Variants in CCDC7 observed in about 807,000 individuals in gnomAD.
CCDC7 encodes coiled-coil domain-containing protein 7.
A neutral mutation model predicts 196.9 loss-of-function variants in CCDC7; 183 were observed. The ratio of observed to expected loss-of-function variants is 0.93; its 90% CI spans 0.82 to 1.05. The LOEUF is 1.05. CCDC7 is among the 50% of genes least tolerant of loss of function. The probability of loss-of-function intolerance (pLI) is 0.00; values close to 1 mark genes in which losing one functional copy is unlikely to be tolerated. For synonymous variants in CCDC7, 525 were observed against 484.6 expected, an observed-to-expected ratio of 1.08 and a Z score of -1.10; for missense variants, 1,540 against 1,482.2, an observed-to-expected ratio of 1.04 and a Z score of -0.64.
intron 21 of CCDC7, among the ~76,000 whole-genome samples, chr10:32,667,522 A>G (rs976495492): frequency 6.6e-6 from 1 of 152,174 alleles, no homozygotes; most frequent in Non-Finnish European, 1.5e-5. Flanking sequence ...TTAAGTCTTT[A>G]ATCCACGTGA....
At position 32,583,666 on chromosome 10, in the gene CCDC7, A is replaced by T. The variant is rs976400292; in HGVS notation, c.1728+359A>T. On this transcript the variant is annotated intron_variant, in intron 17 of 41. Coordinates refer to ENST00000639629, the Ensembl canonical transcript of CCDC7. Reference sequence around the variant, plus strand: ...AATAAGATGATTGTAAAAGCAAACTAATTTTGAAACAATTTTATATAGGTC... The same window carrying T: ...AATAAGATGATTGTAAAAGCAAACTTATTTTGAAACAATTTTATATAGGTC... Among the ~76,000 whole-genome samples the T allele has an allele frequency of 2.0e-5, 3 of 152,112 alleles. No homozygotes were observed. In the South Asian group the frequency reaches 6.2e-4, roughly 32 times the overall value.
chr10:32,580,026 ATGAAGGACC>A (rs1247609781), intron 16 of CCDC7, among the ~76,000 whole-genome samples: 1 of 152,112 alleles, frequency 6.6e-6, no homozygotes, highest in East Asian at 1.9e-4. Context: ...GCAGTTATCA[ATGAAGGACC>A]TTGAGAGTCT....
chr10:32,625,005 T>A, intron 18 of CCDC7, among the ~76,000 whole-genome samples: 1 of 144,310 alleles, frequency 6.9e-6, no homozygotes, highest in African/African-American at 2.7e-5. Context: ...TTTTTTTTTT[T>A]TTTTTAGTTC....
At chr10:32,666,107 G>C (rs1052503471) in intron 21 of CCDC7, among the ~76,000 whole-genome samples, 1 of 137,580 alleles carries the variant, frequency 7.3e-6, no homozygotes, top group African/African-American at 2.7e-5. Context: ...GGAGTCTTTA[G>C]AGTATTCTTT....
chr10:32,758,420 C>T (rs1269645918), intron 28 of CCDC7, among the ~76,000 whole-genome samples: 1 of 152,144 alleles, frequency 6.6e-6, no homozygotes, highest in Non-Finnish European at 1.5e-5. Context: ...TTGGCTTCAT[C>T]CCTGCGATGG....
chr10:32,468,413 A>G (rs1349494754), intron 5 of CCDC7, among the ~76,000 whole-genome samples: 1 of 152,104 alleles, frequency 6.6e-6, no homozygotes, highest in Non-Finnish European at 1.5e-5. Flanking sequence ...AATGCTAGTG[A>G]TTTTTGTACA....
intron 9 of CCDC7, among the ~76,000 whole-genome samples, chr10:32,493,102 A>G (rs1257852844): frequency 1.1e-4 from 16 of 151,522 alleles, no homozygotes; most frequent in Admixed American, 9.2e-4. Flanking sequence ...CTTAAAAACT[A>G]CTCTCTAGAA....
chr10:32,829,327 TAGA>T (rs916969616), intron 32 of CCDC7, among the ~76,000 whole-genome samples: 2 of 152,122 alleles, frequency 1.3e-5, no homozygotes, highest in African/African-American at 4.8e-5. Context: ...AATGCATAAG[TAGA>T]AGAAGGCAGT....
intron 29 of CCDC7, among the ~76,000 whole-genome samples, chr10:32,785,444 A>C (rs2081701633): frequency 1.3e-5 from 2 of 152,228 alleles, no homozygotes; most frequent in African/African-American, 4.8e-5. Context: ...ATAAGCACTT[A>C]CAAGAGGTCC....
intron 9 of CCDC7, among the ~76,000 whole-genome samples, chr10:32,510,123 G>A (rs1418861590): frequency 1.3e-5 from 2 of 152,106 alleles, no homozygotes; most frequent in Non-Finnish European, 2.9e-5. Flanking sequence ...AACAACTTAA[G>A]TATCCATAAT....
intron 24 of CCDC7, among the ~76,000 whole-genome samples, chr10:32,706,532 A>G (rs1221795993): frequency 6.6e-6 from 1 of 152,062 alleles, no homozygotes; most frequent in Non-Finnish European, 1.5e-5. Context: ...AATCCAGGAA[A>G]TAGTTTTTTG....
intron 14 of CCDC7, 121 bp downstream of exon 15, chr10:32,565,741 T>A: frequency 1.9e-6 from 2 of 1,067,142 alleles, no homozygotes; most frequent in African/African-American, 3.2e-5. Context: ...ACTATTTGGC[T>A]AGGTTTAAAC....
At chr10:32,822,315 T>C (rs1195282440) in intron 31 of CCDC7, among the ~76,000 whole-genome samples, 1 of 152,220 alleles carries the variant, frequency 6.6e-6, no homozygotes, top group African/African-American at 2.4e-5. Flanking sequence ...TCATTGGGCA[T>C]ATAACATATC....
intron 28 of CCDC7, among the ~76,000 whole-genome samples, chr10:32,731,436 G>A (rs562317961): frequency 3.3e-5 from 5 of 151,680 alleles, no homozygotes; most frequent in Non-Finnish European, 7.4e-5. Context: ...TTGGGTGAGG[G>A]TGCTTTTCAG....
At chr10:32,484,289 T>C (rs2040561280) in intron 8 of CCDC7, among the ~76,000 whole-genome samples, 3 of 151,510 alleles carry the variant, frequency 2.0e-5, no homozygotes, top group Non-Finnish European at 4.4e-5. Flanking sequence ...ATGATTTGGC[T>C]CCCTGTTTGT....
chr10:32,770,107 C>T (rs2078941131), intron 28 of CCDC7, among the ~76,000 whole-genome samples: 1 of 151,142 alleles, frequency 6.6e-6, no homozygotes, highest in Admixed American at 6.6e-5. Context: ...TTTTAAGTCT[C>T]ATTTTCATTT....
In CCDC7 at chr10:32,735,936, G is replaced by A. The variant is rs72782268; in HGVS notation, c.2905+6479G>A. 7.6e-3 allele frequency among the ~76,000 whole-genome samples: 1,149 copies of A among 152,124 alleles called. 13 individuals carry two copies. Among genetic ancestry groups the A allele is most frequent in the Non-Finnish European group, 0.013 (884 of 67,978 alleles). ...CACTTGTTGAAAAGAGTCCTTTATTGAATTTCCTTTGCTTCTTTGTAAAAA... is the reference window on the plus strand; with the variant it reads ...CACTTGTTGAAAAGAGTCCTTTATTAAATTTCCTTTGCTTCTTTGTAAAAA... On this transcript the variant is annotated intron_variant, in intron 28 of 41. Coordinates refer to ENST00000639629, the Ensembl canonical transcript of CCDC7.
At chr10:32,706,788 A>G (rs1167139751) in intron 24 of CCDC7, among the ~76,000 whole-genome samples, 1 of 152,236 alleles carries the variant, frequency 6.6e-6, no homozygotes, top group African/African-American at 2.4e-5. Context: ...TGAATCCCTG[A>G]ATAGTCCAAT....
chr10:32,471,663 G>A (rs1006847484), intron 6 of CCDC7, among the ~76,000 whole-genome samples: 1 of 152,060 alleles, frequency 6.6e-6, no homozygotes, highest in Non-Finnish European at 1.5e-5. Flanking sequence ...TATATTAACA[G>A]CTTATCAAGT....
Sources: allele counts gnomAD v4.1 joint callset (sites outside exome capture counted in the v4.1 genomes callset), GRCh38; gene constraint gnomAD v4.1.1; transcripts MANE v1.5; gene names NCBI Gene and HGNC (gene_info 2026-07-23, HGNC 2026-07-21).